The following PAX8 variants were observed in gnomAD, a reference collection of about 807,000 sequenced individuals.
PAX8 encodes the protein paired box 8, also known as paired box protein Pax-8.
A neutral mutation model predicts 52.4 loss-of-function variants in PAX8; 15 were observed. The observed-to-expected ratio is 0.29, with a 90% CI of 0.19 to 0.44. The LOEUF (loss-of-function observed/expected upper bound fraction) is 0.44, where lower values mean the gene tolerates loss of function less well. Among genes scored for constraint, PAX8 ranks in the 20% least tolerant of loss-of-function variants. The pLI is 1.00. For missense variants in PAX8, 554 were observed against 602.5 expected (o/e 0.92, Z 0.84); for synonymous variants, 284 against 249.7 (o/e 1.14, Z -1.29).
chr2:113,247,214 T>G (rs532107170), intron 2 of PAX8, among the ~76,000 whole-genome samples: 3 of 152,338 alleles, frequency 2.0e-5, no homozygotes, highest in Non-Finnish European at 4.4e-5. Flanking sequence ...AATCCCCTAT[T>G]TTCTTCCCTC....
intron 2 of PAX8, among the ~76,000 whole-genome samples, chr2:113,248,014 G>C (rs1691464106): frequency 6.6e-6 from 1 of 152,180 alleles, no homozygotes; most frequent in South Asian, 2.1e-4. Flanking sequence ...AGATAAACAG[G>C]TACTAGCCAA....
chr2:113,253,556 C>T (rs188831004), intron 2 of PAX8, among the ~76,000 whole-genome samples: 54 of 152,332 alleles, frequency 3.5e-4, no homozygotes, highest in African/African-American at 1.2e-3. Flanking sequence ...TTGGAAGTAA[C>T]AGTGTGTCCC....
Position 113,227,028 on chromosome 2 carries a change from G to C in PAX8, c.1189+127C>G, listed in dbSNP as rs1046893274. 105 of 1,533,476 alleles carry C rather than the reference G, an allele frequency of 6.8e-5. No homozygotes were observed. In the East Asian group the frequency reaches 2.5e-3, roughly 37 times the overall value. 95.0% of individuals were successfully genotyped at this position (1,533,476 alleles called of 1,614,324 possible). Reference sequence around the variant, plus strand: ...CATTTACAAGGAGATGCCCTCTTTGGTCCATCCTTCAATGCCCTTTGGGAA... The same window carrying C: ...CATTTACAAGGAGATGCCCTCTTTGCTCCATCCTTCAATGCCCTTTGGGAA... On this transcript the variant is annotated intron_variant, in intron 10 of 11. Transcript: ENST00000429538.
chr2:113,241,832 A>G (rs956238209), intron 6 of PAX8, 106 bp from the exon 7 acceptor site: 54 of 1,502,440 alleles, frequency 3.6e-5, no homozygotes, highest in Non-Finnish European at 4.7e-5. Flanking sequence ...GAGGGAGAAA[A>G]AGGGCCAGCC....
At chr2:113,252,815 G>A (rs1691887793) in intron 2 of PAX8, among the ~76,000 whole-genome samples, 1 of 152,074 alleles carries the variant, frequency 6.6e-6, no homozygotes, top group Admixed American at 6.5e-5. Context: ...TTTATACCAG[G>A]TCCTTCCCCT....
At chr2:113,259,953 G>T (rs561056137) in intron 2 of PAX8, among the ~76,000 whole-genome samples, 1 of 152,194 alleles carries the variant, frequency 6.6e-6, no homozygotes, top group Non-Finnish European at 1.5e-5. Context: ...CCGAACACGC[G>T]TTTAGATGCT....
chr2:113,267,151 T>C (rs1303598888), intron 2 of PAX8: 4 of 152,186 alleles, frequency 2.6e-5, no homozygotes, highest in Non-Finnish European at 4.4e-5. Context: ...GACAGAATGT[T>C]AGAGAGAATA....
intron 7 of PAX8, 176 bp downstream of exon 7, chr2:113,241,375 A>G: frequency 1.4e-6 from 1 of 715,880 alleles, no homozygotes; most frequent in Non-Finnish European, 2.5e-6. Context: ...AGGGAGGAAG[A>G]TGCCAGGGCA....
intron 2 of PAX8, among the ~76,000 whole-genome samples, chr2:113,247,316 A>C (rs749516508): frequency 1.3e-5 from 2 of 151,696 alleles, no homozygotes; most frequent in Non-Finnish European, 2.9e-5. Context: ...TTCTCTTCTG[A>C]GAGTCTCTTT....
At position 113,217,409 on chromosome 2, in the gene PAX8, T is replaced by C. The variant is rs1333468024; in HGVS notation, c.*1124A>G. 2.2e-5 allele frequency: 5 copies of C among 226,970 alleles called. No homozygotes were observed. The East Asian group carries it at 3.2e-4, about 14-fold the overall frequency. 14.1% of individuals were successfully genotyped at this position (226,970 alleles called of 1,614,324 possible). ...TCATGTGGTAATGGCAGGTTGTCTT[T>C]AAAAAAAGAAAGAAGCATCAAGGAG... On this transcript the variant is annotated 3_prime_UTR_variant, in exon 12 of 12. Transcript: ENST00000429538.
intron 2 of PAX8, chr2:113,276,388 A>G (rs550135077): frequency 6.6e-6 from 1 of 152,118 alleles, no homozygotes; most frequent in Non-Finnish European, 1.5e-5. Context: ...CACTTTGTCT[A>G]TTTGTTTTGG....
Position 113,254,552 on chromosome 2 carries a change from G to A in PAX8, c.26-7633C>T, listed in dbSNP as rs555264721. Among the ~76,000 whole-genome samples the A allele has an allele frequency of 3.3e-5, 5 of 152,244 alleles. 1 individual carries two copies. In the South Asian group the frequency reaches 8.3e-4, roughly 25 times the overall value. On this transcript the variant is annotated intron_variant, in intron 2 of 11. Coordinates refer to ENST00000429538, the MANE Select transcript of PAX8 (RefSeq NM_003466.4). ...CAAGTGAACCTTTGCTACCCAGCTCGGGAGCAACACATCTAAATCCTAGTC... is the reference window on the plus strand; with the variant it reads ...CAAGTGAACCTTTGCTACCCAGCTCAGGAGCAACACATCTAAATCCTAGTC...
rs756430747 is a variant in PAX8, at chr2:113,246,930, A to G, written c.26-11T>C. Reference sequence around the variant, plus strand: ...TCAGCCCTCCATGGCCTAAGGAGACAATATTCCCAGGGACAGCTGTCAGGG... The same window carrying G: ...TCAGCCCTCCATGGCCTAAGGAGACGATATTCCCAGGGACAGCTGTCAGGG... On this transcript the variant is annotated splice_polypyrimidine_tract_variant and intron_variant, in intron 2 of 11. Coordinates refer to ENST00000429538, the MANE Select transcript of PAX8 (RefSeq NM_003466.4). 4 of 1,611,882 alleles carry G rather than the reference A, an allele frequency of 2.5e-6. No homozygotes were observed. The highest frequency in any genetic ancestry group is 3.4e-6 in the Non-Finnish European group (4 of 1,178,900).
Position 113,242,030 on chromosome 2 carries a change from G to C in PAX8, c.579C>G (p.Ser193Arg), listed in dbSNP as rs575054665. ...NGLLGIAQPG[S>R]DKRKMDDSDQ... Reference sequence around the variant, plus strand: ...CACTGTCATCCATTTTCCTCTTGTCGCTGCCAGGCTGAGCGATGCCCAGGA... The same window carrying C: ...CACTGTCATCCATTTTCCTCTTGTCCCTGCCAGGCTGAGCGATGCCCAGGA... Residue 193 changes from serine to arginine, a missense_variant, in exon 6 of 12, where the codon AGC becomes AGG. Physicochemically the swap from Ser to Arg is moderately radical, Grantham distance 110 (BLOSUM62 -1). This residue lies in a region of PAX8 where 445 missense variants were observed against 409.9 expected (regional missense o/e 1.09). Coordinates refer to ENST00000429538, the MANE Select transcript of PAX8 (RefSeq NM_003466.4). The C allele has an allele frequency of 1.9e-6, 3 of 1,613,590 alleles. No homozygotes were observed. In the African/African-American group the frequency reaches 4.0e-5, roughly 22 times the overall value.
intron 7 of PAX8, chr2:113,240,223 C>T (rs1003024582): frequency 2.6e-5 from 4 of 152,304 alleles, no homozygotes; most frequent in African/African-American, 9.6e-5. Context: ...GCGTGAGCAC[C>T]CCAGGCCCTC....
chr2:113,224,960 C>G (rs1361082782), intron 10 of PAX8, among the ~76,000 whole-genome samples: 1 of 152,094 alleles, frequency 6.6e-6, no homozygotes, highest in African/African-American at 2.4e-5. Flanking sequence ...CAGCTTGTGT[C>G]TTTATTTCTG....
chr2:113,235,203 C>T, intron 9 of PAX8, 191 bp downstream of exon 9: 1 of 587,838 alleles, frequency 1.7e-6, no homozygotes, highest in Middle Eastern at 4.5e-4. Flanking sequence ...CTACAGCATC[C>T]GCCCCTTCCG....
At position 113,225,887 on chromosome 2, in the gene PAX8, AT is replaced by A. The variant is rs1378460432; in HGVS notation, c.1189+1267del. Reference sequence around the variant, plus strand: ...CCCCATTATCCACACTCTTAAAAAAATAACCGAATCTTTTCCTTTTTTATCT... The same window carrying A: ...CCCCATTATCCACACTCTTAAAAAAAAACCGAATCTTTTCCTTTTTTATCT... On this transcript the variant is annotated intron_variant, in intron 10 of 11. Coordinates refer to ENST00000429538, the MANE Select transcript of PAX8 (RefSeq NM_003466.4). The A allele has an allele frequency of 3.0e-6, 3 of 984,706 alleles. No individual in the cohort carries two copies. In the African/African-American group the frequency reaches 5.2e-5, roughly 17 times the overall value. The allele number at this position is 984,706 out of a possible 1,614,324, so 61.0% of individuals were successfully genotyped here. A position where few individuals can be genotyped will look rare whatever the true frequency, so the allele number is the denominator to read the frequency against.
intron 10 of PAX8, 132 bp downstream of exon 10, chr2:113,227,023 C>T: frequency 6.5e-7 from 1 of 1,533,202 alleles, no homozygotes; most frequent in Non-Finnish European, 8.7e-7. Flanking sequence ...GAGATGCCCT[C>T]TTTGGTCCAT....
Sources: allele counts gnomAD v4.1 joint callset (sites outside exome capture counted in the v4.1 genomes callset), GRCh38; gene constraint gnomAD v4.1.1; regional missense constraint gnomAD v4.1.1; transcripts MANE v1.5; gene names NCBI Gene and HGNC (gene_info 2026-07-23, HGNC 2026-07-21).